RCCD1: variants seen among roughly 807,000 people sequenced by gnomAD.
RCCD1 encodes the protein RCC1 domain containing 1.
Under a neutral mutation model 37.6 loss-of-function variants are expected in RCCD1, and 40 were observed. The observed-to-expected ratio is 1.06, with a 90% CI of 0.83 to 1.39. RCCD1 has a LOEUF of 1.39. Ranked by LOEUF, RCCD1 falls within the 40% of genes most tolerant of loss-of-function variation. RCCD1 has a pLI of 0.00. For missense variants in RCCD1, 577 were observed against 517.3 expected, an observed-to-expected ratio of 1.12 and a Z score of -1.12; for synonymous variants, 263 against 230.0, an observed-to-expected ratio of 1.14 and a Z score of -1.30.
At position 90,957,190 on chromosome 15, in the gene RCCD1, C is replaced by T. The variant is rs2037214463; in HGVS notation, c.244C>T (p.Leu82Phe). Reference protein sequence around the residue: ...RCKDAWASEGLLAVLRAGPGP... With the variant: ...RCKDAWASEGFLAVLRAGPGP... ...CAAGGACGCGTGGGCCTCGGAGGGG[C>T]TCCTCGCGGTGCTGCGCGCCGGGCC... is the stretch of plus-strand genomic sequence containing the variant. The change falls in exon 3 of 8, where the codon CTC becomes TTC. Residue 82 changes from leucine (L) to phenylalanine (F), a missense_variant. By Grantham distance (22) the Leu-to-Phe change is conservative. Coordinates refer to ENST00000394258, the MANE Select transcript of RCCD1 (RefSeq NM_001017919.2). The T allele has an allele frequency of 1.4e-6, 2 of 1,391,308 alleles. No homozygotes were observed. Among genetic ancestry groups the T allele is most frequent in the Non-Finnish European group, 9.3e-7 (1 of 1,078,206 alleles). The allele number at this position is 1,391,308 out of a possible 1,614,324, so 86.2% of individuals were successfully genotyped here.
At chr15:90,958,797 C>T (rs116036817) in intron 4 of RCCD1, among the ~76,000 whole-genome samples, 2,191 of 148,888 alleles carry the variant, frequency 0.015, 56 homozygotes, top group African/African-American at 0.052. Context: ...CTGGGCGTGG[C>T]GGCTCGTGCC....
At position 90,959,988 on chromosome 15, in the gene RCCD1, C is replaced by G. The variant is rs148056787; in HGVS notation, c.768C>G (p.Val256=). 6.2e-7 allele frequency: 1 copy of G among 1,612,588 alleles called. No homozygotes were observed. The highest frequency in any genetic ancestry group is 8.5e-7 in the Non-Finnish European group (1 of 1,179,358). Reference sequence around the variant, plus strand: ...ACCTGGCAGAGGATGGAGAGACTGTCGCAAGGGAAGGTGAGGGTCATCTCG... The same window carrying G: ...ACCTGGCAGAGGATGGAGAGACTGTGGCAAGGGAAGGTGAGGGTCATCTCG... ...TRNLAEDGET[V]AREATELNED... Residue 256 remains valine (V), a synonymous_variant, in exon 5 of 8, where the codon GTC becomes GTG. Transcript: ENST00000394258.
intron 4 of RCCD1, among the ~76,000 whole-genome samples, chr15:90,958,271 T>A (rs1217145600): frequency 6.6e-6 from 1 of 152,096 alleles, no homozygotes; most frequent in African/African-American, 2.4e-5. Context: ...ACAGATGATC[T>A]TTGTCTGTGT....
intron 5 of RCCD1, 156 bp downstream of exon 5, chr15:90,960,154 A>T: frequency 1.1e-6 from 1 of 919,842 alleles, no homozygotes; most frequent in Non-Finnish European, 1.6e-6. Flanking sequence ...CGGTCTTGGC[A>T]CAACACACTT....
chr15:90,960,633 C>T, intron 6 of RCCD1, 135 bp downstream of exon 6: 4 of 809,532 alleles, frequency 4.9e-6, no homozygotes. Context: ...GGATAAGCCC[C>T]AACCCCCTTG....
chr15:90,958,342 C>T (rs2037244353), intron 4 of RCCD1, among the ~76,000 whole-genome samples: 1 of 152,082 alleles, frequency 6.6e-6, no homozygotes, highest in East Asian at 1.9e-4. Flanking sequence ...TTACCAATGC[C>T]AGGGGGCCGG....
At position 90,956,765 on chromosome 15, in the gene RCCD1, G is replaced by C; in HGVS notation, c.31G>C (p.Gly11Arg). Residue 11 changes from glycine to arginine, a missense_variant, in exon 2 of 8, where the codon GGC becomes CGC. Coordinates refer to ENST00000394258, the MANE Select transcript of RCCD1 (RefSeq NM_001017919.2). MAEERPGAWF[G>R]FGFCGFGQEL... ...GGAGGAGCGGCCGGGGGCCTGGTTC[G>C]GCTTCGGTTTCTGCGGCTTCGGGCA... 2 of 1,330,646 alleles carry C rather than the reference G, an allele frequency of 1.5e-6. No homozygotes were observed. The highest frequency in any genetic ancestry group is 1.9e-6 in the Non-Finnish European group (2 of 1,039,810). 82.4% of individuals were successfully genotyped at this position (1,330,646 alleles called of 1,614,324 possible). A position where few individuals can be genotyped will look rare whatever the true frequency, so the allele number is the denominator to read the frequency against.
rs79548680 is a variant in RCCD1 at position 90,962,549 on chromosome 15, G to C, written c.*780G>C. 0.17 allele frequency: 25,369 copies of C among 152,178 alleles called. 2,555 individuals carry two copies. The highest frequency in any genetic ancestry group is 0.5 in the East Asian group (2,572 of 5,158). 9.4% of individuals were successfully genotyped at this position (152,178 alleles called of 1,614,324 possible). A position where few individuals can be genotyped will look rare whatever the true frequency, so the allele number is the denominator to read the frequency against. ...TAAAATGTCAGGTAGATGCACACTGGTTTTAATTGGCATTTCCCTGGATAC... is the reference window on the plus strand; with the variant it reads ...TAAAATGTCAGGTAGATGCACACTGCTTTTAATTGGCATTTCCCTGGATAC... On this transcript the variant is annotated 3_prime_UTR_variant, in exon 8 of 8. Coordinates refer to ENST00000394258, the MANE Select transcript of RCCD1 (RefSeq NM_001017919.2).
intron 6 of RCCD1, 134 bp from the exon 7 acceptor site, chr15:90,960,886 TAAGAG>T: frequency 3.6e-6 from 3 of 842,632 alleles, no homozygotes; most frequent in Non-Finnish European, 6.1e-6. Context: ...AGCCAGTTGT[TAAGAG>T]AATATGTTGT....
At chr15:90,955,719 AAC>A (rs2037171840) in intron 1 of RCCD1, 2 of 140,464 alleles carry the variant, frequency 1.4e-5, no homozygotes, top group African/African-American at 5.8e-5. Flanking sequence ...AAAAAAAACA[AAC>A]CCGCTCCAGC....
intron 4 of RCCD1, among the ~76,000 whole-genome samples, chr15:90,957,988 C>T (rs1461457636): frequency 6.6e-6 from 1 of 152,212 alleles, no homozygotes; most frequent in Non-Finnish European, 1.5e-5. Context: ...CACCTGCTCC[C>T]AGCCAGGACT....
In RCCD1 at chr15:90,956,745, A is replaced by G. The variant is rs1439124348; in HGVS notation, c.11A>G (p.Glu4Gly). 10 of 1,316,222 alleles carry G rather than the reference A, an allele frequency of 7.6e-6. No homozygotes were observed. Among genetic ancestry groups the G allele is most frequent in the Non-Finnish European group, 2.9e-6 (3 of 1,033,264 alleles). The allele number at this position is 1,316,222 out of a possible 1,614,324, so 81.5% of individuals were successfully genotyped here. MAE[E>G]RPGAWFGFGF... ...GGGCGCTGCTCGGGCATGGCGGAGGAGCGGCCGGGGGCCTGGTTCGGCTTC... is the reference window on the plus strand; with the variant it reads ...GGGCGCTGCTCGGGCATGGCGGAGGGGCGGCCGGGGGCCTGGTTCGGCTTC... The change falls in exon 2 of 8, where the codon GAG (glutamate) becomes GGG (glycine). Residue 4 changes from glutamate (E) to glycine (G), a missense_variant. Coordinates refer to ENST00000394258, the MANE Select transcript of RCCD1 (RefSeq NM_001017919.2).
At chr15:90,958,243 G>A (rs575650067) in intron 4 of RCCD1, among the ~76,000 whole-genome samples, 22 of 152,324 alleles carry the variant, frequency 1.4e-4, no homozygotes, top group African/African-American at 5.3e-4. Flanking sequence ...AGCCCATGCA[G>A]AGAGGGTGAG....
At position 90,960,848 on chromosome 15, in the gene RCCD1, G is replaced by A. The variant is rs113379049; in HGVS notation, c.950-177G>A. On this transcript the variant is annotated intron_variant, in intron 6 of 7. Coordinates refer to ENST00000394258, the MANE Select transcript of RCCD1 (RefSeq NM_001017919.2). ...AGGAAGATCCGCCACTTTTTCCCTCGGGATCCTCTGCCATGCCACGTGTGA... is the reference window on the plus strand; with the variant it reads ...AGGAAGATCCGCCACTTTTTCCCTCAGGATCCTCTGCCATGCCACGTGTGA... 7.2e-3 allele frequency: 5,080 copies of A among 708,824 alleles called. 196 individuals carry two copies. The African/African-American group carries it at 0.08, about 11-fold the overall frequency. 43.9% of individuals were successfully genotyped at this position (708,824 alleles called of 1,614,324 possible). A position where few individuals can be genotyped will look rare whatever the true frequency, so the allele number is the denominator to read the frequency against.
At position 90,956,733 on chromosome 15, in the gene RCCD1, GC is replaced by G. The variant is rs1420532409; in HGVS notation, c.-1del. On this transcript the variant is annotated 5_prime_UTR_variant, in exon 2 of 8. Transcript: ENST00000394258. ...GCGGCCGGCAGAGGGCGCTGCTCGG[GC>G]ATGGCGGAGGAGCGGCCGGGGGCCT... is the stretch of plus-strand genomic sequence containing the variant. 5 of 1,302,178 alleles carry G rather than the reference GC, an allele frequency of 3.8e-6. No individual in the cohort carries two copies. The highest frequency in any genetic ancestry group is 4.9e-6 in the Non-Finnish European group (5 of 1,025,456). The allele number at this position is 1,302,178 out of a possible 1,614,324, so 80.7% of individuals were successfully genotyped here.
rs2037208244 is a variant in RCCD1, at chr15:90,956,939, C to T, written c.166+39C>T. On this transcript the variant is annotated intron_variant, in intron 2 of 7. Transcript: ENST00000394258. ...GCCCCGTCCCCACTTATTCCAGCCG[C>T]GCTCCCCAGTCGCCTCCCCGCACCG... The T allele has an allele frequency of 3.2e-6, 4 of 1,266,658 alleles. No individual in the cohort carries two copies. In the African/African-American group the frequency reaches 4.6e-5, roughly 15 times the overall value. 78.5% of individuals were successfully genotyped at this position (1,266,658 alleles called of 1,614,324 possible).
intron 7 of RCCD1, chr15:90,961,367 C>T (rs184052172): frequency 3.4e-6 from 2 of 579,894 alleles, no homozygotes; most frequent in Admixed American, 3.1e-5. Context: ...GAAAAAGATT[C>T]GATGGAAGTG....
At chr15:90,957,801 G>C in intron 4 of RCCD1, 76 bp downstream of exon 4, 1 of 1,531,084 alleles carries the variant, frequency 6.5e-7, no homozygotes, top group Non-Finnish European at 8.8e-7. Flanking sequence ...AGTTTGGGTG[G>C]GGGCCTACCC....
chr15:90,961,727 G>T lies in RCCD1; in HGVS notation c.1089G>T (p.Pro363=), dbSNP rs373496839. 6.2e-7 allele frequency: 1 copy of T among 1,614,160 alleles called. No individual in the cohort carries two copies. The highest frequency in any genetic ancestry group is 1.3e-5 in the African/African-American group (1 of 75,052). ...QLQVKAVTCG[P]WNTYVYAVEK... is the part of the protein sequence containing the mutation. ...AAGTAAAGGCTGTCACCTGTGGGCC[G>T]TGGAACACCTACGTGTATGCTGTGG... Residue 363 remains proline, a synonymous_variant, in exon 8 of 8, where the codon CCG becomes CCT. Coordinates refer to ENST00000394258, the MANE Select transcript of RCCD1 (RefSeq NM_001017919.2).
Sources: allele counts gnomAD v4.1 joint callset (sites outside exome capture counted in the v4.1 genomes callset), GRCh38; gene constraint gnomAD v4.1.1; transcripts MANE v1.5; gene names NCBI Gene and HGNC (gene_info 2026-07-23, HGNC 2026-07-21).